The following LRRC4B variants were observed in gnomAD, a reference collection of about 807,000 sequenced individuals.
LRRC4B encodes leucine-rich repeat-containing protein 4B.
In LRRC4B, 1 loss-of-function variant was observed where a neutral mutation model predicts 7.3. The ratio of observed to expected loss-of-function variants is 0.14; its 90% CI spans 0.05 to 0.65. The LOEUF is 0.65. LRRC4B is among the 30% of genes least tolerant of loss of function. The pLI is 0.84. For missense variants in LRRC4B, 730 were observed against 1,041.6 expected, an observed-to-expected ratio of 0.70 and a Z score of 4.12; for synonymous variants, 500 against 499.2, an observed-to-expected ratio of 1.00 and a Z score of -0.02.
In LRRC4B at chr19:50,563,185, T is replaced by C. The variant is rs1982525992; in HGVS notation, c.-36+4759A>G. Among the ~76,000 whole-genome samples the C allele has an allele frequency of 6.6e-6, 1 of 152,136 alleles. No homozygotes were observed. Among genetic ancestry groups the C allele is most frequent in the Non-Finnish European group, 1.5e-5 (1 of 68,010 alleles). ...AGTGAGCCCCCATCAGCCCCTCTCG[T>C]GGGTCTCCAAGGCAGCCCCTCCACC... On this transcript the variant is annotated intron_variant, in intron 1 of 2. Coordinates refer to ENST00000652263, the MANE Select transcript of LRRC4B (RefSeq NM_001080457.2). This position sits in a 1 kb window ranked among gnomAD's most constrained non-coding sequence, Gnocchi z 4.9.
chr19:50,537,614 C>G lies in LRRC4B; in HGVS notation c.297+10928G>C, dbSNP rs1414350472. On this transcript the variant is annotated intron_variant, in intron 2 of 2. Transcript: ENST00000652263. The surrounding 1 kb of genome is among the most constrained non-coding windows in gnomAD (Gnocchi z 5.5). Reference sequence around the variant, plus strand: ...AGGGGCCATGTGGCTTTGCAGGACGCCAAGCAATTCTACGCCTTTGTCAAT... The same window carrying G: ...AGGGGCCATGTGGCTTTGCAGGACGGCAAGCAATTCTACGCCTTTGTCAAT... Among the ~76,000 whole-genome samples the G allele has an allele frequency of 6.6e-6, 1 of 152,182 alleles. No individual in the cohort carries two copies. The highest frequency in any genetic ancestry group is 6.5e-5 in the Admixed American group (1 of 15,278).
chr19:50,518,232 G>T lies in LRRC4B; in HGVS notation c.1481C>A (p.Thr494Asn). ...YTYFTTVTVE[T>N]LETQPGEEAL... ...CTCCTCTCCGGGCTGCGTCTCCAGGGTCTCCACGGTCACCGTGGTGAAGTA... is the reference window on the plus strand; with the variant it reads ...CTCCTCTCCGGGCTGCGTCTCCAGGTTCTCCACGGTCACCGTGGTGAAGTA... Residue 494 changes from threonine (T) to asparagine (N), a missense_variant, in exon 3 of 3, where the codon ACC becomes AAC. Thr to Asn is a moderately conservative substitution (Grantham distance 65). Transcript: ENST00000652263. 6.2e-7 allele frequency: 1 copy of T among 1,608,348 alleles called. No homozygotes were observed. Among genetic ancestry groups the T allele is most frequent in the Non-Finnish European group, 8.5e-7 (1 of 1,178,334 alleles).
chr19:50,525,683 G>A (rs1192908520), intron 2 of LRRC4B, among the ~76,000 whole-genome samples: 1 of 151,308 alleles, frequency 6.6e-6, no homozygotes, highest in Non-Finnish European at 1.5e-5. Context: ...GCCTCCCAAA[G>A]TGCCGGGATT....
At chr19:50,549,561 G>A (rs1981965139) in intron 1 of LRRC4B, among the ~76,000 whole-genome samples, 1 of 152,248 alleles carries the variant, frequency 6.6e-6, no homozygotes, top group Non-Finnish European at 1.5e-5. Context: ...AGCAGCTTCA[G>A]AGACTTGAGT....
intron 2 of LRRC4B, among the ~76,000 whole-genome samples, chr19:50,543,096 C>T (rs1475050081): frequency 1.3e-5 from 2 of 152,118 alleles, no homozygotes; most frequent in Admixed American, 1.3e-4. Flanking sequence ...GCCAAGGATC[C>T]GGGCAGGAGT....
chr19:50,522,638 G>A (rs959944883), intron 2 of LRRC4B, among the ~76,000 whole-genome samples: 1 of 148,346 alleles, frequency 6.7e-6, no homozygotes, highest in Admixed American at 6.8e-5. Context: ...CAACACGCTT[G>A]GCTAATTTTT....
rs1053298954 is a variant in LRRC4B at position 50,563,253 on chromosome 19, C to G, written c.-36+4691G>C. 1.3e-5 allele frequency among the ~76,000 whole-genome samples: 2 copies of G among 152,194 alleles called. No individual in the cohort carries two copies. The highest frequency in any genetic ancestry group is 2.1e-4 in the South Asian group (1 of 4,830). On this transcript the variant is annotated intron_variant, in intron 1 of 2. Coordinates refer to ENST00000652263, the MANE Select transcript of LRRC4B (RefSeq NM_001080457.2). This position sits in a 1 kb window ranked among gnomAD's most constrained non-coding sequence, Gnocchi z 4.9. ...CAGTTGCGCGTGGGTTTCCAGGCAA[C>G]AAGGGGCATCCTGCCACTCTCCTTA...
intron 1 of LRRC4B, among the ~76,000 whole-genome samples, chr19:50,554,291 G>C (rs1206036196): frequency 6.6e-6 from 1 of 152,032 alleles, no homozygotes; most frequent in Non-Finnish European, 1.5e-5. Flanking sequence ...CACCGTACCT[G>C]GCCGAGGAAG....
intron 2 of LRRC4B, among the ~76,000 whole-genome samples, chr19:50,525,163 G>C (rs1277796706): frequency 1.3e-5 from 2 of 152,194 alleles, no homozygotes; most frequent in African/African-American, 4.8e-5. Context: ...CCCCCGTCCT[G>C]GTTGTAGGGC....
rs1296655033 is a variant in LRRC4B, at chr19:50,568,347, AGGCCCCGGCCCC to A, written c.-451_-440del. ...CTCTCCCCCCACCCCACCCCCCCCC[AGGCCCCGGCCCC>A]GGCCCCGGCCCCCGCCTCGGACGGT... On this transcript the variant is annotated 5_prime_UTR_variant, in exon 1 of 3. Coordinates refer to ENST00000652263, the MANE Select transcript of LRRC4B (RefSeq NM_001080457.2). 1.1e-4 allele frequency among the ~76,000 whole-genome samples: 2 copies of A among 18,358 alleles called. No homozygotes were observed. The highest frequency in any genetic ancestry group is 4.6e-4 in the Non-Finnish European group (2 of 4,344). 12.0% of individuals were successfully genotyped at this position (18,358 alleles called of 152,430 possible). A position where few individuals can be genotyped will look rare whatever the true frequency, so the allele number is the denominator to read the frequency against.
chr19:50,539,116 G>A (rs1335268817), intron 2 of LRRC4B, among the ~76,000 whole-genome samples: 3 of 152,050 alleles, frequency 2.0e-5, no homozygotes, highest in African/African-American at 7.2e-5. Context: ...CTGACCTTGT[G>A]ATCCACCTGC....
chr19:50,544,622 C>T (rs1486415090), intron 2 of LRRC4B, among the ~76,000 whole-genome samples: 1 of 152,088 alleles, frequency 6.6e-6, no homozygotes, highest in Admixed American at 6.6e-5. Context: ...GGAGGGTGTC[C>T]GAATGCAAAG....
intron 2 of LRRC4B, among the ~76,000 whole-genome samples, chr19:50,524,196 A>C (rs1459966080): frequency 6.6e-6 from 1 of 152,178 alleles, no homozygotes. Flanking sequence ...ATAATAATGT[A>C]TGTCGGTGCT....
At chr19:50,526,136 C>T (rs1326292911) in intron 2 of LRRC4B, among the ~76,000 whole-genome samples, 3 of 152,114 alleles carry the variant, frequency 2.0e-5, no homozygotes, top group Admixed American at 6.6e-5. Flanking sequence ...TCTCCCATGC[C>T]CCGCTGTGCT....
chr19:50,544,377 G>C (rs1329539468), intron 2 of LRRC4B, among the ~76,000 whole-genome samples: 1 of 149,572 alleles, frequency 6.7e-6, no homozygotes, highest in East Asian at 2.0e-4. Context: ...TGTGGTGGCG[G>C]GCACCTGTAG....
At chr19:50,540,581 C>T (rs564289239) in intron 2 of LRRC4B, among the ~76,000 whole-genome samples, 2 of 152,078 alleles carry the variant, frequency 1.3e-5, no homozygotes, top group East Asian at 3.9e-4. Flanking sequence ...GTCTCGAACT[C>T]GTGACCTCAG....
rs1395713415 is a variant in LRRC4B, at chr19:50,537,304, A to AATGTTAC, written c.297+11237_297+11238insGTAACAT. On this transcript the variant is annotated intron_variant, in intron 2 of 2. Transcript: ENST00000652263. The surrounding 1 kb of genome is among the most constrained non-coding windows in gnomAD (Gnocchi z 5.5). ...GTTTCCTCATCTGTAACATGAGAAG[A>AATGTTAC]ATAGGACCTACTCAGGGGGCTGTCG... Among the ~76,000 whole-genome samples the AATGTTAC allele has an allele frequency of 2.6e-5, 4 of 152,180 alleles. No homozygotes were observed. Among genetic ancestry groups the AATGTTAC allele is most frequent in the Non-Finnish European group, 5.9e-5 (4 of 68,028 alleles).
At chr19:50,564,023 G>C (rs1233016809) in intron 1 of LRRC4B, among the ~76,000 whole-genome samples, 1 of 152,170 alleles carries the variant, frequency 6.6e-6, no homozygotes. Flanking sequence ...AAGGGAAGGA[G>C]AGTGGAGAGG....
intron 2 of LRRC4B, among the ~76,000 whole-genome samples, chr19:50,534,080 T>G (rs1020783202): frequency 1.1e-4 from 16 of 152,224 alleles, no homozygotes; most frequent in Admixed American, 8.5e-4. Context: ...TGAGAGCTGC[T>G]ATGTGTCAAG....
Sources: gnomAD v4.1 joint callset for allele counts (sites outside exome capture counted in the v4.1 genomes callset) on GRCh38, gnomAD v4.1.1 for gene constraint, Gnocchi (gnomAD v3.1) non-coding constraint, MANE v1.5 for transcripts, NCBI Gene and HGNC (gene_info 2026-07-23, HGNC 2026-07-21) for gene names.